The following ERBB4 variants were observed in gnomAD, a reference collection of about 807,000 sequenced individuals.
ERBB4 encodes the protein receptor tyrosine-protein kinase erbB-4.
In ERBB4, 42 loss-of-function variants were observed where a neutral mutation model predicts 158.0. The observed-to-expected ratio is 0.27, with a 90% CI of 0.21 to 0.34. The LOEUF is 0.34. Ranked by LOEUF, ERBB4 falls within the 10% of genes least tolerant of loss-of-function variation. The probability of loss-of-function intolerance (pLI) is 1.00; values close to 1 mark genes in which losing one functional copy is unlikely to be tolerated. For synonymous variants in ERBB4, 583 were observed against 558.7 expected (o/e 1.04, Z -0.61); for missense variants, 1,333 against 1,624.1 (o/e 0.82, Z 3.08).
intron 1 of ERBB4, among the ~76,000 whole-genome samples, chr2:212,343,947 C>T (rs1487325265): frequency 6.6e-6 from 1 of 152,178 alleles, no homozygotes; most frequent in East Asian, 1.9e-4. Flanking sequence ...GATTCCAATG[C>T]AATTTTTTTT....
chr2:212,488,999 C>A (rs756585545), intron 1 of ERBB4, among the ~76,000 whole-genome samples: 14 of 148,916 alleles, frequency 9.4e-5, no homozygotes, highest in Admixed American at 2.1e-4. Context: ...TTAGGATACC[C>A]CCCAAAGAAG....
chr2:211,812,009 T>C (rs2076767463), intron 3 of ERBB4, among the ~76,000 whole-genome samples: 4 of 152,232 alleles, frequency 2.6e-5, no homozygotes, highest in Admixed American at 2.6e-4. Context: ...ATTACCGACC[T>C]TCTGAAGCCT....
At chr2:212,140,601 T>G (rs2080429837) in intron 1 of ERBB4, among the ~76,000 whole-genome samples, 1 of 151,112 alleles carries the variant, frequency 6.6e-6, no homozygotes, top group Non-Finnish European at 1.5e-5. Context: ...ATGTGTATGC[T>G]AACCAAATTA....
At chr2:212,362,839 A>T (rs551289973) in intron 1 of ERBB4, among the ~76,000 whole-genome samples, 51 of 151,454 alleles carry the variant, frequency 3.4e-4, no homozygotes, top group African/African-American at 1.2e-3. Flanking sequence ...TTTTTAAAAG[A>T]GCTATTAAGT....
intron 12 of ERBB4, among the ~76,000 whole-genome samples, chr2:211,697,152 G>A (rs2073058636): frequency 6.6e-6 from 1 of 152,110 alleles, no homozygotes; most frequent in Non-Finnish European, 1.5e-5. Flanking sequence ...TTACAGGGTG[G>A]TTGTAATAAC....
At chr2:212,488,453 A>C in intron 1 of ERBB4, among the ~76,000 whole-genome samples, 1 of 151,912 alleles carries the variant, frequency 6.6e-6, no homozygotes, top group East Asian at 1.9e-4. Context: ...TGATTTTCTA[A>C]ATCACAAATC....
intron 1 of ERBB4, among the ~76,000 whole-genome samples, chr2:212,415,222 T>C (rs545519673): frequency 6.6e-6 from 1 of 152,236 alleles, no homozygotes; most frequent in South Asian, 2.1e-4. Flanking sequence ...ATTTGATTTA[T>C]AAAAAAGGCC....
chr2:212,472,905 A>G (rs1440873973), intron 1 of ERBB4, among the ~76,000 whole-genome samples: 1 of 151,914 alleles, frequency 6.6e-6, no homozygotes, highest in Admixed American at 6.6e-5. Flanking sequence ...TTAAAAGTAT[A>G]TTATGCATCT....
rs544430437 is a variant in ERBB4, at chr2:211,578,243, C to T, written c.2302-16155G>A. ...ATAAAATATGTAGGAATACAGCTAA[C>T]AAGGGAAGTGAAGGACCTCTTCGAG... is the stretch of plus-strand genomic sequence containing the variant. On this transcript the variant is annotated intron_variant, in intron 19 of 27. Transcript: ENST00000342788. Among the ~76,000 whole-genome samples, 29 of 152,216 alleles carry T rather than the reference C, an allele frequency of 1.9e-4. No individual in the cohort carries two copies. The South Asian group carries it at 5.4e-3, about 28-fold the overall frequency.
intron 20 of ERBB4, among the ~76,000 whole-genome samples, chr2:211,546,588 T>C (rs2125693662): frequency 6.6e-6 from 1 of 152,196 alleles, no homozygotes; most frequent in East Asian, 1.9e-4. Context: ...CACTTTCTTA[T>C]GGTTAAATGA....
intron 20 of ERBB4, among the ~76,000 whole-genome samples, chr2:211,486,226 TTAA>T (rs1394324205): frequency 6.6e-6 from 1 of 152,198 alleles, no homozygotes; most frequent in Non-Finnish European, 1.5e-5. Flanking sequence ...TTCTTTTTTC[TTAA>T]TTAACACTGC....
chr2:212,362,987 G>A (rs938841033), intron 1 of ERBB4, among the ~76,000 whole-genome samples: 5 of 150,888 alleles, frequency 3.3e-5, no homozygotes, highest in South Asian at 2.1e-4. Flanking sequence ...TTTGAAACAC[G>A]AAAAAATATA....
chr2:211,592,681 G>GT (rs1451854209), intron 19 of ERBB4, among the ~76,000 whole-genome samples: 4 of 152,092 alleles, frequency 2.6e-5, no homozygotes, highest in African/African-American at 9.7e-5. Flanking sequence ...TCTTTAAGTA[G>GT]TACAAGGGCC....
intron 20 of ERBB4, among the ~76,000 whole-genome samples, chr2:211,519,946 T>C (rs2066143544): frequency 6.6e-6 from 1 of 152,148 alleles, no homozygotes. Flanking sequence ...TAAAAAGGAA[T>C]AAAAATGATT....
rs112693456 is a variant in ERBB4 at position 211,715,380 on chromosome 2, G to C, written c.884-1732C>G. Among the ~76,000 whole-genome samples, 384 of 152,246 alleles carry C rather than the reference G, an allele frequency of 2.5e-3. 1 individual carries two copies. The highest frequency in any genetic ancestry group is 8.9e-3 in the African/African-American group (368 of 41,538). ...TTTCTTCCCTTCCCCAAAAAGTGCT[G>C]ATTTTGAGACTACTCCTTAATAACC... is the stretch of plus-strand genomic sequence containing the variant. On this transcript the variant is annotated intron_variant, in intron 7 of 27. Coordinates refer to ENST00000342788, the MANE Select transcript of ERBB4 (RefSeq NM_005235.3).
intron 1 of ERBB4, among the ~76,000 whole-genome samples, chr2:212,366,737 CT>C: frequency 6.6e-6 from 1 of 152,060 alleles, no homozygotes; most frequent in Non-Finnish European, 1.5e-5. Flanking sequence ...AATGTCTCTG[CT>C]TTTAACTCTA....
chr2:211,800,580 C>A (rs1257968047), intron 3 of ERBB4, among the ~76,000 whole-genome samples: 1 of 151,006 alleles, frequency 6.6e-6, no homozygotes, highest in Non-Finnish European at 1.5e-5. Flanking sequence ...TCCCTGAAGT[C>A]CTTTTTGAAA....
chr2:211,478,924 C>T (rs2065020819), intron 20 of ERBB4, among the ~76,000 whole-genome samples: 1 of 152,136 alleles, frequency 6.6e-6, no homozygotes, highest in African/African-American at 2.4e-5. Flanking sequence ...AAGGCTTCTT[C>T]ATGCTTTCCC....
intron 1 of ERBB4, among the ~76,000 whole-genome samples, chr2:212,192,866 T>C (rs2082315019): frequency 1.3e-5 from 2 of 152,092 alleles, no homozygotes. Context: ...TTGCTATCCA[T>C]AGGGAGGAGG....
Sources: gnomAD v4.1 joint callset for allele counts (sites outside exome capture counted in the v4.1 genomes callset) on GRCh38, gnomAD v4.1.1 for gene constraint, MANE v1.5 for transcripts, NCBI Gene and HGNC (gene_info 2026-07-23, HGNC 2026-07-21) for gene names.